The following IGSF21 variants were observed in gnomAD, a reference collection of about 807,000 sequenced individuals.
The protein encoded by IGSF21 is immunoglobin superfamily member 21, also known as immunoglobulin superfamily member 21.
A neutral mutation model predicts 46.8 loss-of-function variants in IGSF21; 28 were observed. The ratio of observed to expected loss-of-function variants is 0.60; its 90% CI spans 0.44 to 0.82. IGSF21 has a LOEUF of 0.82. IGSF21 is among the 40% of genes least tolerant of loss of function. The probability of loss-of-function intolerance (pLI) is 0.00; values close to 1 mark genes in which losing one functional copy is unlikely to be tolerated. For missense variants in IGSF21, 624 were observed against 665.5 expected (o/e 0.94, Z 0.69); for synonymous variants, 284 against 273.6 (o/e 1.04, Z -0.38).
At chr1:18,258,200 G>C (rs1436205658) in intron 2 of IGSF21, among the ~76,000 whole-genome samples, 1 of 152,144 alleles carries the variant, frequency 6.6e-6, no homozygotes, top group Non-Finnish European at 1.5e-5. Context: ...GAGGGAAAGG[G>C]GTTCCCTTCT....
intron 6 of IGSF21, among the ~76,000 whole-genome samples, chr1:18,373,897 G>A (rs185556654): frequency 2.4e-4 from 36 of 152,330 alleles, no homozygotes; most frequent in Middle Eastern, 3.4e-3. Context: ...TCTAGCGCAT[G>A]TTTGACACCT....
chr1:18,125,223 C>T (rs547066900), intron 1 of IGSF21, among the ~76,000 whole-genome samples: 222 of 152,344 alleles, frequency 1.5e-3, no homozygotes, highest in African/African-American at 5.3e-3. Context: ...AACCCACCTT[C>T]TTCTTTGGAC....
At chr1:18,172,964 A>T (rs1273536005) in intron 1 of IGSF21, among the ~76,000 whole-genome samples, 2 of 152,158 alleles carry the variant, frequency 1.3e-5, no homozygotes, top group Non-Finnish European at 2.9e-5. Context: ...TCTGGGAAAG[A>T]TAATTAATAT....
chr1:18,233,642 T>G (rs1012365744), intron 2 of IGSF21, among the ~76,000 whole-genome samples: 2 of 152,218 alleles, frequency 1.3e-5, no homozygotes, highest in African/African-American at 4.8e-5. Context: ...ATTTCATGTC[T>G]GTTGATAGCT....
intron 1 of IGSF21, among the ~76,000 whole-genome samples, chr1:18,206,883 G>T (rs1377845996): frequency 6.6e-6 from 1 of 152,194 alleles, no homozygotes; most frequent in Non-Finnish European, 1.5e-5. Flanking sequence ...CTATTGCTGT[G>T]TAACAAATTA....
intron 2 of IGSF21, among the ~76,000 whole-genome samples, chr1:18,237,896 G>A (rs1463035333): frequency 6.6e-6 from 1 of 152,084 alleles, no homozygotes; most frequent in Non-Finnish European, 1.5e-5. Flanking sequence ...CAATATATTT[G>A]GTATTTGAAA....
intron 4 of IGSF21, among the ~76,000 whole-genome samples, chr1:18,359,048 G>T (rs1557659228): frequency 6.6e-6 from 1 of 152,098 alleles, no homozygotes; most frequent in Non-Finnish European, 1.5e-5. Context: ...AGGATCGTTT[G>T]AGGCCAGGAA....
chr1:18,205,337 A>G (rs2084307942), intron 1 of IGSF21, among the ~76,000 whole-genome samples: 1 of 152,218 alleles, frequency 6.6e-6, no homozygotes, highest in Admixed American at 6.5e-5. Flanking sequence ...AGATGTCATT[A>G]AAGATTAAAA....
chr1:18,356,088 G>A (rs2086015244), intron 4 of IGSF21, among the ~76,000 whole-genome samples: 1 of 152,254 alleles, frequency 6.6e-6, no homozygotes, highest in South Asian at 2.1e-4. Flanking sequence ...ACTTTCCTCA[G>A]CCTCCCAGAG....
chr1:18,300,093 CTGAGCAACAAGCCACCCACTGG>C (rs2085346953), intron 3 of IGSF21, among the ~76,000 whole-genome samples: 1 of 152,156 alleles, frequency 6.6e-6, no homozygotes, highest in East Asian at 1.9e-4. Context: ...TACATATCAA[CTGAGCAACAAGCCACCCACTGG>C]TGGTGTCTAT....
At chr1:18,160,368 G>A (rs17434997) in intron 1 of IGSF21, among the ~76,000 whole-genome samples, 5,379 of 152,188 alleles carry the variant, frequency 0.035, 152 homozygotes, top group Non-Finnish European at 0.058. Flanking sequence ...CACTTCAAGC[G>A]CTCACAGCAT....
intron 1 of IGSF21, among the ~76,000 whole-genome samples, chr1:18,174,275 G>A (rs1020830392): frequency 6.6e-5 from 10 of 152,130 alleles, no homozygotes; most frequent in Non-Finnish European, 1.2e-4. Context: ...CCCCCGAGGC[G>A]TTGCAGGAAG....
chr1:18,199,840 C>A (rs1157858822), intron 1 of IGSF21, among the ~76,000 whole-genome samples: 1 of 152,184 alleles, frequency 6.6e-6, no homozygotes, highest in Admixed American at 6.5e-5. Flanking sequence ...CTCCCCGCTT[C>A]GTCAGATAAG....
chr1:18,192,013 G>A (rs1222146502), intron 1 of IGSF21, among the ~76,000 whole-genome samples: 3 of 152,012 alleles, frequency 2.0e-5, no homozygotes, highest in East Asian at 3.9e-4. Flanking sequence ...GGCCGGGGAG[G>A]GCTGCCACGC....
chr1:18,296,226 C>G (rs2085311250), intron 3 of IGSF21, among the ~76,000 whole-genome samples: 1 of 152,182 alleles, frequency 6.6e-6, no homozygotes, highest in Non-Finnish European at 1.5e-5. Flanking sequence ...AAACCCTTTC[C>G]TCCTAAATCC....
At chr1:18,225,932 G>C (rs1198122208) in intron 1 of IGSF21, among the ~76,000 whole-genome samples, 1 of 152,196 alleles carries the variant, frequency 6.6e-6, no homozygotes, top group South Asian at 2.1e-4. Context: ...GATCTGGCAG[G>C]GGACTTCACC....
chr1:18,360,579 C>T (rs1397503431), intron 4 of IGSF21, among the ~76,000 whole-genome samples: 4 of 152,054 alleles, frequency 2.6e-5, no homozygotes, highest in Non-Finnish European at 5.9e-5. Context: ...GTGAAAACCC[C>T]CTGAAGGAAG....
chr1:18,159,873 G>A (rs1271876898), intron 1 of IGSF21, among the ~76,000 whole-genome samples: 3 of 152,076 alleles, frequency 2.0e-5, no homozygotes, highest in Non-Finnish European at 4.4e-5. Flanking sequence ...GGTAGAGATT[G>A]GATTTCATCA....
At chr1:18,201,722 G>T (rs969547447) in intron 1 of IGSF21, among the ~76,000 whole-genome samples, 1 of 152,100 alleles carries the variant, frequency 6.6e-6, no homozygotes, top group African/African-American at 2.4e-5. Flanking sequence ...TGTGTCGGGG[G>T]GTCTGTCCGT....
Sources: gnomAD v4.1 joint callset for allele counts (sites outside exome capture counted in the v4.1 genomes callset) on GRCh38, gnomAD v4.1.1 for gene constraint, MANE v1.5 for transcripts, NCBI Gene and HGNC (gene_info 2026-07-23, HGNC 2026-07-21) for gene names.